Variants in PAN3 observed in about 807,000 individuals in gnomAD.
PAN3 encodes poly(A) specific ribonuclease subunit PAN3.
A neutral mutation model predicts 96.2 loss-of-function variants in PAN3; 19 were observed. The observed-to-expected ratio is 0.20, with a 90% CI of 0.14 to 0.29. PAN3 has a LOEUF of 0.29. Ranked by LOEUF, PAN3 falls within the 10% of genes least tolerant of loss-of-function variation. The pLI is 1.00. For missense variants in PAN3, 882 were observed against 1,108.1 expected (o/e 0.80, Z 2.90); for synonymous variants, 433 against 406.6 (o/e 1.06, Z -0.78).
At chr13:28,270,650 C>G (rs1437166669) in intron 12 of PAN3, 51 bp from the exon 13 acceptor site, 1 of 1,571,492 alleles carries the variant, frequency 6.4e-7, no homozygotes, top group Non-Finnish European at 8.7e-7. Flanking sequence ...ATGCTTTAGT[C>G]TTTTAGTTGA....
chr13:28,285,977 T>A (rs1243074653), intron 17 of PAN3, among the ~76,000 whole-genome samples: 1 of 152,204 alleles, frequency 6.6e-6, no homozygotes, highest in Non-Finnish European at 1.5e-5. Flanking sequence ...TTTGTTTTGT[T>A]TTGTAACAAA....
At chr13:28,178,054 G>T in intron 4 of PAN3, 119 bp downstream of exon 4, 8 of 787,438 alleles carry the variant, frequency 1.0e-5, no homozygotes, top group Non-Finnish European at 1.6e-5. Flanking sequence ...GGGCTTTAGT[G>T]TTTTTCCTGC....
chr13:28,254,119 A>C (rs1884958848), intron 6 of PAN3, among the ~76,000 whole-genome samples: 1 of 152,184 alleles, frequency 6.6e-6, no homozygotes, highest in Admixed American at 6.5e-5. Context: ...AAAACATGTA[A>C]TTGATTTCCT....
chr13:28,283,549 C>T (rs927970095), intron 17 of PAN3, among the ~76,000 whole-genome samples: 4 of 152,084 alleles, frequency 2.6e-5, no homozygotes, highest in Non-Finnish European at 4.4e-5. Flanking sequence ...ACTATATATT[C>T]TTATCCCCTC....
chr13:28,155,644 G>A (rs993147645), intron 1 of PAN3, among the ~76,000 whole-genome samples: 1 of 152,040 alleles, frequency 6.6e-6, no homozygotes, highest in African/African-American at 2.4e-5. Context: ...CTGGTCATTT[G>A]TGAGTGCATA....
intron 5 of PAN3, among the ~76,000 whole-genome samples, chr13:28,217,164 G>C (rs1880883433): frequency 1.3e-5 from 2 of 151,854 alleles, no homozygotes; most frequent in Admixed American, 1.3e-4. Context: ...CTAACGGTCA[G>C]GATTCTTGAT....
chr13:28,241,903 C>G (rs565485658), intron 6 of PAN3, among the ~76,000 whole-genome samples: 2 of 151,212 alleles, frequency 1.3e-5, no homozygotes, highest in Non-Finnish European at 2.9e-5. Flanking sequence ...GTCATCTGTT[C>G]AAGATGACAT....
At chr13:28,216,099 G>C (rs547444938) in intron 5 of PAN3, among the ~76,000 whole-genome samples, 18 of 117,958 alleles carry the variant, frequency 1.5e-4, no homozygotes, top group African/African-American at 7.7e-4. Context: ...TTTGCATGTG[G>C]TAGTTTTACT....
chr13:28,226,998 G>A (rs1882073423), intron 6 of PAN3, among the ~76,000 whole-genome samples: 1 of 152,174 alleles, frequency 6.6e-6, no homozygotes, highest in Non-Finnish European at 1.5e-5. Context: ...TTTGTGAAGT[G>A]GACCTTTTAA....
Position 28,208,844 on chromosome 13 carries a change from G to A in PAN3, c.853-11387G>A, listed in dbSNP as rs1026283176. Among the ~76,000 whole-genome samples, 7 of 152,014 alleles carry A rather than the reference G, an allele frequency of 4.6e-5. No individual in the cohort carries two copies. In the South Asian group the frequency reaches 6.2e-4, roughly 13 times the overall value. The stretch of plus-strand genomic sequence containing the variant: ...TGAATTCTTACGATAATTCCATTCA[G>A]CGATGATATGCAAATGAAAAAGGGA... On this transcript the variant is annotated intron_variant, in intron 5 of 18. Transcript: ENST00000380958.
chr13:28,240,356 C>G (rs1473523697), intron 6 of PAN3, among the ~76,000 whole-genome samples: 1 of 152,046 alleles, frequency 6.6e-6, no homozygotes, highest in Admixed American at 6.5e-5. Context: ...AGTGGATTGT[C>G]TTTTTGAAGA....
chr13:28,225,388 C>T (rs1472123494), intron 6 of PAN3, among the ~76,000 whole-genome samples: 2 of 152,086 alleles, frequency 1.3e-5, no homozygotes, highest in South Asian at 2.1e-4. Flanking sequence ...AACAAAATTC[C>T]GTGATTGATT....
chr13:28,157,867 T>C (rs1321380012), intron 1 of PAN3, among the ~76,000 whole-genome samples: 1 of 152,192 alleles, frequency 6.6e-6, no homozygotes, highest in Non-Finnish European at 1.5e-5. Flanking sequence ...GAAATTCATA[T>C]GGAACCAAAA....
intron 7 of PAN3, 141 bp from the exon 8 acceptor site, chr13:28,260,306 A>G (rs1344503455): frequency 3.7e-6 from 2 of 544,376 alleles, no homozygotes; most frequent in East Asian, 3.6e-5. Context: ...AGGCAGGAGA[A>G]TCACTTGAAC....
At chr13:28,204,650 T>C (rs965845600) in intron 5 of PAN3, among the ~76,000 whole-genome samples, 4 of 152,230 alleles carry the variant, frequency 2.6e-5, no homozygotes, top group Non-Finnish European at 4.4e-5. Context: ...AAATGCTTTT[T>C]TTGAAAGGAC....
At chr13:28,233,312 G>A (rs1285267453) in intron 6 of PAN3, among the ~76,000 whole-genome samples, 1 of 150,988 alleles carries the variant, frequency 6.6e-6, no homozygotes, top group Non-Finnish European at 1.5e-5. Context: ...TATTGCCCAG[G>A]CTGGAGTGCA....
chr13:28,154,545 A>T (rs967076530), intron 1 of PAN3, among the ~76,000 whole-genome samples: 23 of 152,076 alleles, frequency 1.5e-4, no homozygotes, highest in Admixed American at 9.2e-4. Context: ...CCCAGGGTGG[A>T]GTACAATGGC....
intron 4 of PAN3, among the ~76,000 whole-genome samples, chr13:28,187,081 C>A (rs1353684995): frequency 7.3e-5 from 11 of 151,702 alleles, no homozygotes; most frequent in African/African-American, 2.7e-4. Flanking sequence ...AATTCCAGCA[C>A]TTTGGGAGGC....
At chr13:28,263,216 G>T (rs987463879) in intron 9 of PAN3, among the ~76,000 whole-genome samples, 3 of 152,194 alleles carry the variant, frequency 2.0e-5, no homozygotes, top group African/African-American at 7.2e-5. Context: ...TGATAGCACA[G>T]GGTTAAACAG....
Sources: gnomAD v4.1 joint callset for allele counts (sites outside exome capture counted in the v4.1 genomes callset) on GRCh38, gnomAD v4.1.1 for gene constraint, MANE v1.5 for transcripts, NCBI Gene and HGNC (gene_info 2026-07-23, HGNC 2026-07-21) for gene names.